Variants in NT5DC4 observed in about 807,000 individuals in gnomAD.
The protein encoded by NT5DC4 is 5'-nucleotidase domain containing 4.
A neutral mutation model predicts 26.6 loss-of-function variants in NT5DC4; 44 were observed. The observed-to-expected ratio is 1.65, with a 90% CI of 1.30 to 2.13. NT5DC4 has a LOEUF of 2.13. NT5DC4 is among the 30% of genes most tolerant of loss of function. The probability of loss-of-function intolerance (pLI) is 0.00; values close to 1 mark genes in which losing one functional copy is unlikely to be tolerated. For missense variants in NT5DC4, 399 were observed against 228.1 expected, an observed-to-expected ratio of 1.75 and a Z score of -4.83; for synonymous variants, 157 against 86.7, an observed-to-expected ratio of 1.81 and a Z score of -4.51.
chr2:112,742,614 G>A, downstream of NT5DC4: 1 of 866,908 alleles, frequency 1.2e-6, no homozygotes, highest in South Asian at 1.5e-5. Context: ...GCATTTCAGG[G>A]GATGATTCTT....
intron 16 of NT5DC4, chr2:112,737,819 T>C (rs1424861593): frequency 6.6e-6 from 1 of 152,202 alleles, no homozygotes; most frequent in Non-Finnish European, 1.5e-5. Flanking sequence ...CCTAATTCTC[T>C]ATGCAAAGCC....
intron 16 of NT5DC4, chr2:112,737,585 T>C (rs953257236): frequency 2.0e-5 from 3 of 152,324 alleles, no homozygotes; most frequent in East Asian, 1.9e-4. Flanking sequence ...TTTTCCACAA[T>C]TGAGTTGTAA....
At chr2:112,735,352 A>G (rs1679004117) in intron 16 of NT5DC4, among the ~76,000 whole-genome samples, 1 of 152,146 alleles carries the variant, frequency 6.6e-6, no homozygotes, top group South Asian at 2.1e-4. Flanking sequence ...CCTCAGGAAC[A>G]GTATTTTATA....
intron 15 of NT5DC4, among the ~76,000 whole-genome samples, chr2:112,728,256 G>A (rs1678015908): frequency 6.6e-6 from 1 of 152,168 alleles, no homozygotes; most frequent in African/African-American, 2.4e-5. Flanking sequence ...CATTTCCTTG[G>A]TAGAAAGGAT....
chr2:112,731,917 CTTTTTTTTTTTT>C (rs749249208), intron 16 of NT5DC4, among the ~76,000 whole-genome samples: 1 of 108,634 alleles, frequency 9.2e-6, no homozygotes, highest in South Asian at 3.0e-4. Flanking sequence ...AGAGAGTTTA[CTTTTTTTTTTTT>C]TTTTTTTTTT....
At chr2:112,739,179 G>C (rs995004416), downstream of NT5DC4, 2 of 715,914 alleles carry the variant, frequency 2.8e-6, no homozygotes, top group Admixed American at 2.9e-5. Context: ...GATATGTCTA[G>C]AGCAGCTTTC....
downstream of NT5DC4, among the ~76,000 whole-genome samples, chr2:112,739,482 T>C (rs973746865): frequency 1.3e-5 from 2 of 152,206 alleles, no homozygotes; most frequent in African/African-American, 4.8e-5. Context: ...TGTTCTTGGA[T>C]GGTGTAAGCA....
intron 10 of NT5DC4, 191 bp downstream of exon 10, chr2:112,724,317 C>T (rs888235900): frequency 9.6e-6 from 6 of 624,918 alleles, no homozygotes; most frequent in African/African-American, 1.8e-5. Context: ...TCAGCCAGGC[C>T]CTGGGAGGAG....
At chr2:112,723,853 G>T in intron 9 of NT5DC4, 51 bp downstream of exon 9, 1 of 714,262 alleles carries the variant, frequency 1.4e-6, no homozygotes, top group South Asian at 1.5e-5. Context: ...CTGGCCCCAG[G>T]GGACACAGTG....
chr2:112,729,762 G>C, intron 16 of NT5DC4, 58 bp downstream of exon 16: 1 of 716,580 alleles, frequency 1.4e-6, no homozygotes, highest in East Asian at 2.7e-5. Context: ...TAGAGTAGTG[G>C]TTCCCAGTGG....
chr2:112,724,413 G>A, intron 10 of NT5DC4: 1 of 580,840 alleles, frequency 1.7e-6, no homozygotes. Flanking sequence ...GTCAAAGGGA[G>A]GGGTGCTGGG....
chr2:112,725,197 C>A lies in NT5DC4; in HGVS notation c.939C>A (p.Gly313=), dbSNP rs1381608351. Residue 313 remains glycine, a synonymous_variant, in exon 12 of 17, where the codon GGC becomes GGA. Transcript: ENST00000688554. ...AGGACTCAGGAAAGCTCCACGTGGGCACCTACACAGGGCCCCACCAGCACT... is the reference window on the plus strand; with the variant it reads ...AGGACTCAGGAAAGCTCCACGTGGGAACCTACACAGGGCCCCACCAGCACT... ...GAEDSGKLHV[G]TYTGPHQHCA... is the part of the protein sequence containing the mutation. The A allele has an allele frequency of 1.4e-6, 1 of 716,178 alleles. No homozygotes were observed. The highest frequency in any genetic ancestry group is 2.6e-6 in the Non-Finnish European group (1 of 384,154). The allele number at this position is 716,178 out of a possible 1,614,324, so 44.4% of individuals were successfully genotyped here.
At chr2:112,742,728 T>A, downstream of NT5DC4, 1 of 1,607,716 alleles carries the variant, frequency 6.2e-7, no homozygotes, top group East Asian at 2.2e-5. Flanking sequence ...TGTTTGAGTC[T>A]TGCAAGATAT....
intron 16 of NT5DC4, among the ~76,000 whole-genome samples, chr2:112,730,568 C>T (rs1302656620): frequency 1.3e-5 from 2 of 152,160 alleles, no homozygotes; most frequent in Non-Finnish European, 2.9e-5. Flanking sequence ...GCTTGACCCG[C>T]GTCTGAGCTG....
intron 15 of NT5DC4, among the ~76,000 whole-genome samples, chr2:112,728,180 G>A (rs987983039): frequency 9.2e-5 from 14 of 152,186 alleles, no homozygotes; most frequent in African/African-American, 2.2e-4. Flanking sequence ...AAGATGCCTC[G>A]GCAGGGATGT....
At chr2:112,727,724 G>C (rs1677929262) in intron 15 of NT5DC4, among the ~76,000 whole-genome samples, 1 of 152,220 alleles carries the variant, frequency 6.6e-6, no homozygotes. Flanking sequence ...GGCCAGGGTT[G>C]CCCAGAAAGG....
In NT5DC4 at chr2:112,723,752, G is replaced by A. The variant is rs1365556969; in HGVS notation, c.706G>A (p.Glu236Lys). 2.8e-6 allele frequency: 2 copies of A among 717,290 alleles called. No homozygotes were observed. The highest frequency in any genetic ancestry group is 4.0e-5 in the Admixed American group (2 of 50,026). The allele number at this position is 717,290 out of a possible 1,614,324, so 44.4% of individuals were successfully genotyped here. A position where few individuals can be genotyped will look rare whatever the true frequency, so the allele number is the denominator to read the frequency against. Residue 236 changes from glutamate (E) to lysine (K), a missense_variant, in exon 9 of 17, where the codon GAG becomes AAG. Coordinates refer to ENST00000688554, the MANE Select transcript of NT5DC4 (RefSeq NM_001393655.1). ...RLPILLGKMK[E>K]VGKVFLATNS... Reference sequence around the variant, plus strand: ...CCCCATCCTGCTGGGGAAGATGAAGGAGGTTGGGAAAGTGTTTCTGGCCAC... The same window carrying A: ...CCCCATCCTGCTGGGGAAGATGAAGAAGGTTGGGAAAGTGTTTCTGGCCAC...
At chr2:112,742,314 T>C, downstream of NT5DC4, 1 of 707,358 alleles carries the variant, frequency 1.4e-6, no homozygotes, top group South Asian at 1.5e-5. Context: ...ATTCCTGAGA[T>C]AGCTATTTTT....
At chr2:112,719,735 T>C (rs1444624645), upstream of NT5DC4, among the ~76,000 whole-genome samples, 2 of 151,838 alleles carry the variant, frequency 1.3e-5, no homozygotes, top group East Asian at 3.9e-4. Flanking sequence ...CTGCCCGCCT[T>C]GGCCTCCCAA....
Sources: gnomAD v4.1 joint callset for allele counts (sites outside exome capture counted in the v4.1 genomes callset) on GRCh38, gnomAD v4.1.1 for gene constraint, MANE v1.5 for transcripts, NCBI Gene and HGNC (gene_info 2026-07-23, HGNC 2026-07-21) for gene names.